Variants in RBL2 observed in about 807,000 individuals in gnomAD.
RBL2 encodes RB transcriptional corepressor like 2.
Under a neutral mutation model 126.0 loss-of-function variants are expected in RBL2, and 56 were observed. The ratio of observed to expected loss-of-function variants is 0.44; its 90% CI spans 0.36 to 0.56. RBL2 has a LOEUF of 0.56. RBL2 is among the 20% of genes least tolerant of loss of function. The probability of loss-of-function intolerance (pLI) is 0.00; values close to 1 mark genes in which losing one functional copy is unlikely to be tolerated. For missense variants in RBL2, 1,229 were observed against 1,398.2 expected (o/e 0.88, Z 1.93); for synonymous variants, 454 against 478.5 (o/e 0.95, Z 0.67).
chr16:53,435,626 A>C, intron 1 of RBL2: 1 of 1,279,072 alleles, frequency 7.8e-7, no homozygotes, highest in Admixed American at 2.4e-5. Context: ...ATTGTTTATC[A>C]GCTGTTTGAC....
chr16:53,481,484 CTG>C (rs1378955354), intron 20 of RBL2, 185 bp from the exon 21 acceptor site: 1 of 532,680 alleles, frequency 1.9e-6, no homozygotes, highest in African/African-American at 2.0e-5. Context: ...AAAATAATAA[CTG>C]GCACAAACTA....
chr16:53,435,455 G>T, intron 1 of RBL2: 1 of 424,770 alleles, frequency 2.4e-6, no homozygotes, highest in Non-Finnish European at 3.1e-6. Context: ...GTCACCCCGG[G>T]CATTGCACAG....
chr16:53,464,799 C>CTT (rs892373952), intron 12 of RBL2: 3 of 145,882 alleles, frequency 2.1e-5, no homozygotes, highest in East Asian at 2.0e-4. Context: ...GTAGCTAGTT[C>CTT]TTTTTTTTTT....
chr16:53,479,100 C>A, intron 17 of RBL2, 54 bp from the exon 18 acceptor site: 1 of 1,412,072 alleles, frequency 7.1e-7, no homozygotes, highest in Non-Finnish European at 1.0e-6. Context: ...GAGCTCCTCA[C>A]ACTATTATGG....
rs1199179169 is a variant in RBL2, at chr16:53,490,373, C to CT, written c.*79dup. The stretch of plus-strand genomic sequence containing the variant: ...CCTTTAATGCATCTAGATTATGGAG[C>CT]TTTTTTCCTTAATCCAGCTGATGAG... On this transcript the variant is annotated 3_prime_UTR_variant, in exon 22 of 22. Transcript: ENST00000262133. 2 of 1,338,238 alleles carry CT rather than the reference C, an allele frequency of 1.5e-6. No homozygotes were observed. The highest frequency in any genetic ancestry group is 4.9e-5 in the East Asian group (2 of 41,068). The allele number at this position is 1,338,238 out of a possible 1,614,324, so 82.9% of individuals were successfully genotyped here. A position where few individuals can be genotyped will look rare whatever the true frequency, so the allele number is the denominator to read the frequency against.
chr16:53,448,502 G>C (rs2058085165), intron 4 of RBL2, among the ~76,000 whole-genome samples: 1 of 151,296 alleles, frequency 6.6e-6, no homozygotes, highest in East Asian at 1.9e-4. Flanking sequence ...TTTTATTTTT[G>C]AGACAGGATC....
chr16:53,445,221 G>A (rs1027509515), intron 3 of RBL2, among the ~76,000 whole-genome samples: 1 of 151,872 alleles, frequency 6.6e-6, no homozygotes, highest in Non-Finnish European at 1.5e-5. Context: ...CAGCTACTGG[G>A]GAGGCTGAGG....
rs983317379 is a variant in RBL2 at position 53,481,665 on chromosome 16, A to G, written c.3085-6A>G. On this transcript the variant is annotated splice_region_variant and splice_polypyrimidine_tract_variant and intron_variant, in intron 20 of 21. Coordinates refer to ENST00000262133, the MANE Select transcript of RBL2 (RefSeq NM_005611.4). ...TTAGAATTACTGATTTTTTTTTTTT[A>G]AACAGATGGATGCTCCTCCACTCTC... The G allele has an allele frequency of 6.5e-7, 1 of 1,537,114 alleles. No homozygotes were observed.
At chr16:53,434,928 T>C (rs2153136628) in intron 1 of RBL2, 132 bp downstream of exon 1, 3 of 1,314,370 alleles carry the variant, frequency 2.3e-6, no homozygotes, top group Non-Finnish European at 3.0e-6. Flanking sequence ...GGGGACTTCC[T>C]CTGCGCTATT....
At chr16:53,461,150 T>C (rs1336263473) in intron 9 of RBL2, among the ~76,000 whole-genome samples, 3 of 151,956 alleles carry the variant, frequency 2.0e-5, no homozygotes, top group Non-Finnish European at 2.9e-5. Flanking sequence ...GGGACAGTCA[T>C]AGATATCGAA....
chr16:53,442,565 A>T, intron 2 of RBL2, 93 bp from the exon 3 acceptor site: 2 of 906,216 alleles, frequency 2.2e-6, no homozygotes, highest in Non-Finnish European at 3.3e-6. Flanking sequence ...AATATAATTT[A>T]ATGCGATAAT....
chr16:53,470,685 C>G, intron 16 of RBL2, 22 bp downstream of exon 16: 1 of 1,613,150 alleles, frequency 6.2e-7, no homozygotes, highest in East Asian at 2.2e-5. Flanking sequence ...CATACCTTAT[C>G]AGAGCATGAG....
At chr16:53,475,835 C>CTTTTTTT (rs10540773) in intron 17 of RBL2, among the ~76,000 whole-genome samples, 3 of 76,454 alleles carry the variant, frequency 3.9e-5, no homozygotes, top group African/African-American at 6.4e-5. Flanking sequence ...ATTTCAATAT[C>CTTTTTTT]TTTTTTTTTT....
At chr16:53,438,838 C>A (rs2057983743) in intron 1 of RBL2, among the ~76,000 whole-genome samples, 178 bp from the exon 2 acceptor site, 2 of 71,166 alleles carry the variant, frequency 2.8e-5, no homozygotes, top group African/African-American at 5.8e-5. Flanking sequence ...AGCAAGATTC[C>A]ATCTCAAAAA....
chr16:53,451,454 C>G (rs980601665), intron 4 of RBL2, among the ~76,000 whole-genome samples: 2 of 151,872 alleles, frequency 1.3e-5, no homozygotes, highest in African/African-American at 4.8e-5. Flanking sequence ...TGCAGTGAGC[C>G]ATGATCATAC....
At position 53,434,642 on chromosome 16, in the gene RBL2, G is replaced by T. The variant is rs1282683248; in HGVS notation, c.86G>T (p.Gly29Val). The change falls in exon 1 of 22, where the codon GGC (glycine) becomes GTC (valine). Residue 29 changes from glycine (G) to valine (V), a missense_variant. Gly to Val is a moderately radical substitution (Grantham distance 109, BLOSUM62 -3). This residue lies in a region of RBL2 where 159 missense variants were observed against 123.9 expected (regional missense o/e 1.28). Coordinates refer to ENST00000262133, the MANE Select transcript of RBL2 (RefSeq NM_005611.4). ...AASDEEEEDD[G>V]EAEDAAPPAE... is the part of the protein sequence containing the mutation. Reference sequence around the variant, plus strand: ...TCGGATGAGGAGGAGGAGGACGACGGCGAGGCGGAAGACGCCGCGCCGCCT... The same window carrying T: ...TCGGATGAGGAGGAGGAGGACGACGTCGAGGCGGAAGACGCCGCGCCGCCT... 1.3e-6 allele frequency: 2 copies of T among 1,563,536 alleles called. No homozygotes were observed. The highest frequency in any genetic ancestry group is 2.8e-5 in the African/African-American group (2 of 72,580).
rs749398947 is a variant in RBL2 at position 53,490,149 on chromosome 16, G to C, written c.3269G>C (p.Ser1090Thr). The C allele has an allele frequency of 6.3e-7, 1 of 1,592,214 alleles. No individual in the cohort carries two copies. The highest frequency in any genetic ancestry group is 8.6e-7 in the Non-Finnish European group (1 of 1,168,430). The change falls in exon 22 of 22, where the codon AGT becomes ACT. Residue 1090 changes from serine (S) to threonine (T), a missense_variant. Around this residue, in one of 2 missense-constraint regions of RBL2, gnomAD observed 1,070 missense variants for 1,274.3 expected, o/e 0.84. Transcript: ENST00000262133. ...CCATAGAGACTGAGAGAAATTAATA[G>C]TATGATACGCACAGGAGAAACTCCT... ...SPSKRLREINSMIRTGETPTK... is the reference protein window; with the variant it reads ...SPSKRLREINTMIRTGETPTK...
intron 3 of RBL2, among the ~76,000 whole-genome samples, 173 bp from the exon 4 acceptor site, chr16:53,446,869 A>G (rs1003819085): frequency 3.3e-5 from 5 of 152,108 alleles, no homozygotes; most frequent in African/African-American, 4.8e-5. Flanking sequence ...GATCCCAGCT[A>G]TTTCCTACCA....
chr16:53,463,932 T>A (rs893437362), intron 11 of RBL2, among the ~76,000 whole-genome samples: 1 of 152,194 alleles, frequency 6.6e-6, no homozygotes, highest in Non-Finnish European at 1.5e-5. Context: ...CTGTCATTGT[T>A]CTTCTAAGCA....
Sources: gnomAD v4.1 joint callset for allele counts (sites outside exome capture counted in the v4.1 genomes callset) on GRCh38, gnomAD v4.1.1 for gene constraint, gnomAD v4.1.1 regional missense constraint, MANE v1.5 for transcripts, NCBI Gene and HGNC (gene_info 2026-07-23, HGNC 2026-07-21) for gene names.